Variants in MSI2 observed in about 807,000 individuals in gnomAD.
MSI2 encodes the protein RNA-binding protein Musashi homolog 2.
A neutral mutation model predicts 45.6 loss-of-function variants in MSI2; 17 were observed. That is an observed-to-expected ratio of 0.37 (90% CI 0.26 to 0.56). The LOEUF is 0.56. Among genes scored for constraint, MSI2 ranks in the 20% least tolerant of loss-of-function variants. The pLI is 0.77. For synonymous variants in MSI2, 156 were observed against 158.2 expected (o/e 0.99, Z 0.11); for missense variants, 293 against 444.2 (o/e 0.66, Z 3.06).
rs141682309 is a variant in MSI2, at chr17:57,518,775, G to A, written c.406-10901G>A. Reference sequence around the variant, plus strand: ...CCCCTCCCCCAGCACATGCACGCACGCACTCACAATCAGTGCTGAACACGG... The same window carrying A: ...CCCCTCCCCCAGCACATGCACGCACACACTCACAATCAGTGCTGAACACGG... On this transcript the variant is annotated intron_variant, in intron 6 of 13. Coordinates refer to ENST00000284073, the MANE Select transcript of MSI2 (RefSeq NM_138962.4). Among the ~76,000 whole-genome samples, 888 of 152,284 alleles carry A rather than the reference G, an allele frequency of 5.8e-3. 3 individuals are homozygous for A. The highest frequency in any genetic ancestry group is 0.02 in the African/African-American group (826 of 41,554).
intron 6 of MSI2, among the ~76,000 whole-genome samples, chr17:57,406,534 G>A (rs376384785): frequency 2.0e-4 from 31 of 152,156 alleles, no homozygotes; most frequent in Admixed American, 4.6e-4. Flanking sequence ...TGCCGAGCTC[G>A]CTAGGTAATT....
Position 57,652,269 on chromosome 17 carries a change from A to C in MSI2, c.790+108A>C. The C allele has an allele frequency of 2.6e-4, 286 of 1,089,076 alleles. No individual in the cohort carries two copies. Among genetic ancestry groups the C allele is most frequent in the Non-Finnish European group, 3.5e-4 (261 of 735,654 alleles). 67.5% of individuals were successfully genotyped at this position (1,089,076 alleles called of 1,614,324 possible). On this transcript the variant is annotated intron_variant, in intron 11 of 13. Transcript: ENST00000284073. The surrounding 1 kb of genome is among the most constrained non-coding windows in gnomAD (Gnocchi z 4.1). ...GCTGCATCTGTCCAACACCACTCTCACCACAGCCCCGGGGAGGGGGTGGAC... is the reference window on the plus strand; with the variant it reads ...GCTGCATCTGTCCAACACCACTCTCCCCACAGCCCCGGGGAGGGGGTGGAC...
intron 5 of MSI2, among the ~76,000 whole-genome samples, chr17:57,336,643 T>C (rs9907123): frequency 0.15 from 22,339 of 152,178 alleles, 3,298 homozygotes; most frequent in African/African-American, 0.37. Flanking sequence ...TTTAATATGA[T>C]GGCATTTCAT....
intron 6 of MSI2, among the ~76,000 whole-genome samples, chr17:57,452,982 G>A (rs954869780): frequency 3.9e-4 from 58 of 149,906 alleles, no homozygotes; most frequent in African/African-American, 1.3e-3. Flanking sequence ...CTGGCTGAGG[G>A]CTTGTTTCTG....
At chr17:57,302,035 A>G (rs1007925400) in intron 5 of MSI2, among the ~76,000 whole-genome samples, 1 of 152,082 alleles carries the variant, frequency 6.6e-6, no homozygotes, top group African/African-American at 2.4e-5. Context: ...AATCTTGTGG[A>G]ATCTCGTTGT....
intron 6 of MSI2, among the ~76,000 whole-genome samples, chr17:57,516,249 A>G (rs1242199954): frequency 6.6e-6 from 1 of 152,128 alleles, no homozygotes; most frequent in Non-Finnish European, 1.5e-5. Context: ...GTTCCTCATC[A>G]CAATAATGTT....
intron 7 of MSI2, among the ~76,000 whole-genome samples, chr17:57,575,056 T>C (rs927083186): frequency 1.3e-5 from 2 of 151,866 alleles, no homozygotes; most frequent in Non-Finnish European, 2.9e-5. Flanking sequence ...GGTCTCAATC[T>C]CCTGACCTCG....
intron 7 of MSI2, among the ~76,000 whole-genome samples, chr17:57,545,114 A>G (rs2087133839): frequency 6.6e-6 from 1 of 152,188 alleles, no homozygotes; most frequent in African/African-American, 2.4e-5. Context: ...GAGAAAGGAA[A>G]GATTTTCAAA....
At chr17:57,516,612 C>G (rs1404834037) in intron 6 of MSI2, among the ~76,000 whole-genome samples, 5 of 152,172 alleles carry the variant, frequency 3.3e-5, no homozygotes, top group Middle Eastern at 3.2e-3. Flanking sequence ...TCTGTGCATG[C>G]CGGGGCTGGA....
At chr17:57,375,396 A>G (rs960394497) in intron 5 of MSI2, among the ~76,000 whole-genome samples, 1 of 152,214 alleles carries the variant, frequency 6.6e-6, no homozygotes, top group Non-Finnish European at 1.5e-5. Flanking sequence ...AGAGGCAAAG[A>G]TGCAGTTCTG....
chr17:57,615,020 GGT>G (rs1907543538), intron 8 of MSI2, among the ~76,000 whole-genome samples: 1 of 152,000 alleles, frequency 6.6e-6, no homozygotes, highest in Non-Finnish European at 1.5e-5. Context: ...GTGTGGTGGT[GGT>G]GTAGGTTTTG....
chr17:57,280,218 T>C lies in MSI2; in HGVS notation c.312+18026T>C, dbSNP rs1029762018. Among the ~76,000 whole-genome samples the C allele has an allele frequency of 3.3e-5, 5 of 151,992 alleles. No individual in the cohort carries two copies. The highest frequency in any genetic ancestry group is 2.0e-4 in the Admixed American group (3 of 15,252). Reference sequence around the variant, plus strand: ...GCGTTGGCGGGGATAAAAATTCTTATCTTAGGAGGGTTGGGGAAGCCATCC... The same window carrying C: ...GCGTTGGCGGGGATAAAAATTCTTACCTTAGGAGGGTTGGGGAAGCCATCC... On this transcript the variant is annotated intron_variant, in intron 5 of 13. Coordinates refer to ENST00000284073, the MANE Select transcript of MSI2 (RefSeq NM_138962.4). This position sits in a 1 kb window ranked among gnomAD's most constrained non-coding sequence, Gnocchi z 4.2.
At chr17:57,673,001 C>A (rs1912926583) in intron 11 of MSI2, among the ~76,000 whole-genome samples, 1 of 152,172 alleles carries the variant, frequency 6.6e-6, no homozygotes, top group South Asian at 2.1e-4. Flanking sequence ...TTCTCTTTAA[C>A]CTGCTCTTTC....
At chr17:57,446,905 G>T (rs1366902736) in intron 6 of MSI2, among the ~76,000 whole-genome samples, 4 of 152,160 alleles carry the variant, frequency 2.6e-5, no homozygotes, top group African/African-American at 2.4e-5. Context: ...TCAGGTTGGG[G>T]CACGCCTTGA....
intron 7 of MSI2, among the ~76,000 whole-genome samples, chr17:57,542,557 G>C (rs918489912): frequency 9.2e-5 from 14 of 152,230 alleles, no homozygotes; most frequent in African/African-American, 3.1e-4. Flanking sequence ...AAGATGTCCT[G>C]ATGCCTGAGT....
intron 7 of MSI2, among the ~76,000 whole-genome samples, chr17:57,546,969 G>T (rs1471820912): frequency 6.6e-6 from 1 of 152,228 alleles, no homozygotes; most frequent in African/African-American, 2.4e-5. Context: ...TTCAGGTACT[G>T]CTGAGGGCTA....
At chr17:57,587,615 C>T (rs1486790668) in intron 7 of MSI2, among the ~76,000 whole-genome samples, 2 of 150,466 alleles carry the variant, frequency 1.3e-5, no homozygotes, top group African/African-American at 2.4e-5. Context: ...CTCACTAAGT[C>T]GCTTTCCCCC....
intron 3 of MSI2, 81 bp from the exon 4 acceptor site, chr17:57,258,189 C>G (rs1368865452): frequency 2.4e-6 from 3 of 1,267,938 alleles, no homozygotes; most frequent in East Asian, 2.3e-5. Context: ...GCTCCTCATT[C>G]AGCCTTAGGT....
chr17:57,604,029 TGG>T (rs1253391552), intron 8 of MSI2, among the ~76,000 whole-genome samples: 1 of 152,148 alleles, frequency 6.6e-6, no homozygotes, highest in Admixed American at 6.5e-5. Flanking sequence ...AGCCCCCAGG[TGG>T]GGAGTGACAC....
Sources: allele counts gnomAD v4.1 joint callset (sites outside exome capture counted in the v4.1 genomes callset), GRCh38; gene constraint gnomAD v4.1.1; non-coding constraint Gnocchi (gnomAD v3.1); transcripts MANE v1.5; gene names NCBI Gene and HGNC (gene_info 2026-07-23, HGNC 2026-07-21).